The following PHC3 variants were observed in gnomAD, a reference collection of about 807,000 sequenced individuals.
The protein encoded by PHC3 is polyhomeotic homolog 3.
In PHC3, 13 loss-of-function variants were observed where a neutral mutation model predicts 107.4. The ratio of observed to expected loss-of-function variants is 0.12; its 90% confidence interval spans 0.08 to 0.19. The LOEUF is 0.19. Among genes scored for constraint, PHC3 ranks in the 10% least tolerant of loss-of-function variants. PHC3 has a pLI of 1.00. For missense variants in PHC3, 992 were observed against 1,210.9 expected, an observed-to-expected ratio of 0.82 and a Z score of 2.68; for synonymous variants, 456 against 427.4, an observed-to-expected ratio of 1.07 and a Z score of -0.83.
chr3:170,112,379 T>TTATA (rs199779545), intron 11 of PHC3, among the ~76,000 whole-genome samples: 3 of 118,506 alleles, frequency 2.5e-5, no homozygotes, highest in Non-Finnish European at 5.4e-5. Context: ...CCCAGCTAAT[T>TTATA]TATATATATA....
chr3:170,149,131 A>G lies in PHC3; in HGVS notation c.528T>C (p.Pro176=), dbSNP rs143103621. The G allele has an allele frequency of 9.4e-5, 151 of 1,613,330 alleles. No individual in the cohort carries two copies. In the African/African-American group the frequency reaches 1.6e-3, roughly 18 times the overall value. The part of the protein sequence containing the change: ...QQTMLLGSTS[P]TLTASQAQMY... Reference sequence around the variant, plus strand: ...TTTGAGCTTGGCTTGCCGTTAGGGTAGGGGAAGTACTCCCTAGTAACATAG... The same window carrying G: ...TTTGAGCTTGGCTTGCCGTTAGGGTGGGGGAAGTACTCCCTAGTAACATAG... Residue 176 remains proline, a synonymous_variant, in exon 5 of 15, where the codon CCT becomes CCC. Coordinates refer to ENST00000495893, the MANE Select transcript of PHC3 (RefSeq NM_024947.4).
At chr3:170,161,257 C>T (rs908200925) in intron 4 of PHC3, among the ~76,000 whole-genome samples, 2 of 152,150 alleles carry the variant, frequency 1.3e-5, no homozygotes, top group Non-Finnish European at 2.9e-5. Context: ...CACAGAACTG[C>T]TCTGGCTGGC....
At chr3:170,181,619 C>A (rs1168093245) in intron 1 of PHC3, 83 bp downstream of exon 1, 1 of 1,598,630 alleles carries the variant, frequency 6.3e-7, no homozygotes, top group Admixed American at 1.7e-5. Flanking sequence ...GCAAAAGAGC[C>A]CTGAGCTTTC....
At chr3:170,142,451 C>T (rs7618919) in intron 6 of PHC3, among the ~76,000 whole-genome samples, 18,129 of 150,996 alleles carry the variant, frequency 0.12, 1,129 homozygotes, top group Middle Eastern at 0.16. Context: ...TTCCTATCCC[C>T]GACTTTTGCA....
intron 4 of PHC3, among the ~76,000 whole-genome samples, chr3:170,168,432 G>C (rs1045402935): frequency 6.6e-5 from 10 of 152,116 alleles, no homozygotes; most frequent in African/African-American, 2.4e-4. Flanking sequence ...AAACCTAAAG[G>C]CTCAGTCCGA....
chr3:170,122,861 ACTACT>A (rs199879680), intron 8 of PHC3, 117 bp from the exon 9 acceptor site: 12,143 of 1,146,174 alleles, frequency 0.011, 108 homozygotes, highest in Non-Finnish European at 0.012. Flanking sequence ...GGCAAAAATG[ACTACT>A]CTAACAGACT....
intron 1 of PHC3, among the ~76,000 whole-genome samples, chr3:170,179,292 A>G (rs1731018893): frequency 1.3e-5 from 2 of 152,244 alleles, no homozygotes; most frequent in Non-Finnish European, 2.9e-5. Flanking sequence ...AAGCAGTATC[A>G]GAGTATTTTA....
intron 2 of PHC3, among the ~76,000 whole-genome samples, chr3:170,177,218 A>G (rs1730614332): frequency 6.6e-6 from 1 of 152,176 alleles, no homozygotes; most frequent in African/African-American, 2.4e-5. Context: ...TTGAGTTCCA[A>G]TATAAAATAA....
intron 4 of PHC3, among the ~76,000 whole-genome samples, chr3:170,161,502 A>G (rs566810111): frequency 6.6e-6 from 1 of 152,250 alleles, no homozygotes; most frequent in East Asian, 1.9e-4. Flanking sequence ...GATCCCTCCC[A>G]TGTGCAGTTC....
In PHC3 at chr3:170,178,670, T is replaced by C; in HGVS notation, c.180+103A>G. 4 of 1,285,406 alleles carry C rather than the reference T, an allele frequency of 3.1e-6. No individual in the cohort carries two copies. In the South Asian group the frequency reaches 3.7e-5, roughly 12 times the overall value. The allele number at this position is 1,285,406 out of a possible 1,614,324, so 79.6% of individuals were successfully genotyped here. On this transcript the variant is annotated intron_variant, in intron 2 of 14. Coordinates refer to ENST00000495893, the MANE Select transcript of PHC3 (RefSeq NM_024947.4). ...CAGTTGATTGAAACATTAGTAATTC[T>C]AACTGTACATTTGAGAATATGAAAC...
chr3:170,110,866 C>G (rs1270532576), intron 11 of PHC3, among the ~76,000 whole-genome samples: 1 of 152,132 alleles, frequency 6.6e-6, no homozygotes, highest in Admixed American at 6.5e-5. Context: ...ATTATAAATA[C>G]TTTTTAGCCT....
intron 2 of PHC3, chr3:170,177,034 T>G: frequency 3.0e-6 from 1 of 329,022 alleles, no homozygotes. Flanking sequence ...AAATGTTAAC[T>G]AAGTAAACTT....
intron 4 of PHC3, among the ~76,000 whole-genome samples, chr3:170,155,618 CG>C (rs2108634241): frequency 1.3e-5 from 2 of 151,886 alleles, no homozygotes; most frequent in East Asian, 3.9e-4. Flanking sequence ...GCTACTCAGG[CG>C]GCTGAGCTGG....
At chr3:170,112,336 A>G (rs1458597641) in intron 11 of PHC3, among the ~76,000 whole-genome samples, 2 of 151,342 alleles carry the variant, frequency 1.3e-5, no homozygotes, top group African/African-American at 4.9e-5. Flanking sequence ...TCAGCCTCCA[A>G]AGTAGCTGGG....
Position 170,138,147 on chromosome 3 carries a change from A to AT in PHC3, c.673-1483dup, listed in dbSNP as rs752756670. 4.6e-5 allele frequency among the ~76,000 whole-genome samples: 7 copies of AT among 152,168 alleles called. No homozygotes were observed. The East Asian group carries it at 1.4e-3, about 29-fold the overall frequency. ...GGCGGAGGCTGCAGTGAGCCAAGAT[A>AT]TTGCGCCATTGCCCACAAGTCTGGG... On this transcript the variant is annotated intron_variant, in intron 6 of 14. Transcript: ENST00000495893.
At chr3:170,151,931 G>A (rs1431073482) in intron 4 of PHC3, among the ~76,000 whole-genome samples, 1 of 152,026 alleles carries the variant, frequency 6.6e-6, no homozygotes, top group African/African-American at 2.4e-5. Flanking sequence ...TATATAGGAG[G>A]ACCTCTCTGT....
At chr3:170,162,419 T>C (rs1285658680) in intron 4 of PHC3, among the ~76,000 whole-genome samples, 2 of 152,228 alleles carry the variant, frequency 1.3e-5, no homozygotes, top group Non-Finnish European at 2.9e-5. Flanking sequence ...TTTTTCCAGA[T>C]GCTTGAGCCA....
chr3:170,162,189 C>T (rs1034556277), intron 4 of PHC3, among the ~76,000 whole-genome samples: 5 of 152,190 alleles, frequency 3.3e-5, no homozygotes, highest in Non-Finnish European at 5.9e-5. Flanking sequence ...TCTCTCATCA[C>T]ACCATGAACA....
chr3:170,119,541 A>G (rs889041678), intron 9 of PHC3, among the ~76,000 whole-genome samples: 2 of 152,198 alleles, frequency 1.3e-5, no homozygotes, highest in Non-Finnish European at 2.9e-5. Context: ...GTAAAAATCG[A>G]AAACATGAGA....
Sources: allele counts gnomAD v4.1 joint callset (sites outside exome capture counted in the v4.1 genomes callset), GRCh38; gene constraint gnomAD v4.1.1; transcripts MANE v1.5; gene names NCBI Gene and HGNC (gene_info 2026-07-23, HGNC 2026-07-21).